Variants in GRM7 observed in about 807,000 individuals in gnomAD.
GRM7 encodes the protein glutamate metabotropic receptor 7, also known as metabotropic glutamate receptor 7.
In GRM7, 35 loss-of-function variants were observed where a neutral mutation model predicts 84.5. That is an observed-to-expected ratio of 0.41 (90% CI 0.32 to 0.55). The LOEUF is 0.55. Ranked by LOEUF, GRM7 falls within the 20% of genes least tolerant of loss-of-function variation. The pLI, the probability that GRM7 is intolerant of heterozygous loss-of-function variation, is 0.19. For synonymous variants in GRM7, 487 were observed against 455.1 expected (o/e 1.07, Z -0.89); for missense variants, 1,003 against 1,194.6 (o/e 0.84, Z 2.36).
chr3:7,076,060 AAAATTTAC>A (rs1424027727), intron 1 of GRM7, among the ~76,000 whole-genome samples: 1 of 152,156 alleles, frequency 6.6e-6, no homozygotes, highest in African/African-American at 2.4e-5. Context: ...ATACTTTGTA[AAAATTTAC>A]TGTGTTCCTG....
At chr3:7,474,811 C>A (rs1285516098) in intron 7 of GRM7, among the ~76,000 whole-genome samples, 1 of 152,090 alleles carries the variant, frequency 6.6e-6, no homozygotes, top group African/African-American at 2.4e-5. Context: ...GAAGATTTTA[C>A]AGAGTAAGTG....
At chr3:7,455,793 C>T (rs958122753) in intron 6 of GRM7, among the ~76,000 whole-genome samples, 7 of 152,100 alleles carry the variant, frequency 4.6e-5, no homozygotes, top group African/African-American at 1.7e-4. Flanking sequence ...ATTTTAATAA[C>T]ATTTACAGAT....
chr3:7,321,405 C>T (rs1041277507), intron 4 of GRM7, among the ~76,000 whole-genome samples: 4 of 151,998 alleles, frequency 2.6e-5, no homozygotes, highest in Admixed American at 6.6e-5. Flanking sequence ...AATATAGAAA[C>T]TAACCTCTGA....
At chr3:7,677,952 G>C (rs1231123129) in intron 8 of GRM7, among the ~76,000 whole-genome samples, 13 of 152,092 alleles carry the variant, frequency 8.5e-5, no homozygotes, top group Non-Finnish European at 1.5e-5. Flanking sequence ...TTGAACTGTA[G>C]GCCATTTTTC....
At chr3:7,525,041 C>T (rs1357258888) in intron 7 of GRM7, among the ~76,000 whole-genome samples, 3 of 150,526 alleles carry the variant, frequency 2.0e-5, no homozygotes, top group East Asian at 4.0e-4. Flanking sequence ...CACATGTTCT[C>T]ACTCATAGAT....
chr3:7,085,810 C>G (rs1484349457), intron 1 of GRM7, among the ~76,000 whole-genome samples: 1 of 152,002 alleles, frequency 6.6e-6, no homozygotes, highest in African/African-American at 2.4e-5. Context: ...CCCCCATCCT[C>G]TTGGAATATT....
chr3:7,564,668 A>G (rs977287784), intron 7 of GRM7, among the ~76,000 whole-genome samples: 1 of 152,182 alleles, frequency 6.6e-6, no homozygotes, highest in Non-Finnish European at 1.5e-5. Context: ...TTTTTAAATT[A>G]ATCGTTATTT....
intron 7 of GRM7, among the ~76,000 whole-genome samples, chr3:7,534,960 T>C (rs1245097628): frequency 6.6e-6 from 1 of 152,186 alleles, no homozygotes; most frequent in East Asian, 1.9e-4. Context: ...ATGCGAGCTA[T>C]TGCCCTCTTT....
At chr3:7,338,439 A>G (rs976972944) in intron 4 of GRM7, among the ~76,000 whole-genome samples, 2 of 152,060 alleles carry the variant, frequency 1.3e-5, no homozygotes, top group Admixed American at 6.6e-5. Context: ...AGAAATTACC[A>G]CTAAAGAACT....
chr3:7,115,380 G>GA (rs970609358), intron 1 of GRM7, among the ~76,000 whole-genome samples: 35 of 152,200 alleles, frequency 2.3e-4, no homozygotes, highest in African/African-American at 8.2e-4. Flanking sequence ...TCAAGCACCT[G>GA]AAAAAATCCT....
intron 1 of GRM7, among the ~76,000 whole-genome samples, chr3:7,096,701 A>C (rs1698873038): frequency 2.6e-5 from 4 of 152,096 alleles, no homozygotes; most frequent in Admixed American, 2.0e-4. Context: ...TCAAAATTCC[A>C]ATGCTCTATT....
chr3:7,172,210 T>G (rs1695006262), intron 2 of GRM7, among the ~76,000 whole-genome samples: 1 of 152,182 alleles, frequency 6.6e-6, no homozygotes, highest in South Asian at 2.1e-4. Flanking sequence ...ATGATAATTT[T>G]TTTTTAAGTA....
At chr3:6,921,740 C>T (rs908659221) in intron 1 of GRM7, among the ~76,000 whole-genome samples, 1 of 151,944 alleles carries the variant, frequency 6.6e-6, no homozygotes, top group Non-Finnish European at 1.5e-5. Flanking sequence ...GAAACCATAG[C>T]CAGGAAAGAC....
chr3:7,096,848 C>G (rs1300639820), intron 1 of GRM7, among the ~76,000 whole-genome samples: 5 of 152,040 alleles, frequency 3.3e-5, no homozygotes, highest in African/African-American at 1.2e-4. Context: ...TGGTAAGAAC[C>G]AAGGACAAAG....
intron 4 of GRM7, among the ~76,000 whole-genome samples, chr3:7,413,269 G>C (rs537434027): frequency 1.3e-5 from 2 of 152,242 alleles, no homozygotes; most frequent in African/African-American, 4.8e-5. Flanking sequence ...CTAACCCAGA[G>C]AGCTGCCAAG....
In GRM7 at chr3:7,574,790, G is replaced by A. The variant is rs1243736713; in HGVS notation, c.1516-3632G>A. 6.6e-5 allele frequency among the ~76,000 whole-genome samples: 10 copies of A among 152,158 alleles called. 1 individual carries two copies. Among genetic ancestry groups the A allele is most frequent in the Admixed American group, 5.9e-4 (9 of 15,280 alleles). ...CAGTGAACTAATGGCAACTCCTGCA[G>A]TGAGTTTCTGAGACCAGTGAGCTTT... On this transcript the variant is annotated intron_variant, in intron 7 of 9. Coordinates refer to ENST00000357716, the MANE Select transcript of GRM7 (RefSeq NM_000844.4).
rs368412550 is a variant in GRM7, at chr3:7,482,068, G to T, written c.1515+20346G>T. On this transcript the variant is annotated intron_variant, in intron 7 of 9. Transcript: ENST00000357716. Reference sequence around the variant, plus strand: ...CCAGGTGTGGTTGTGGACACCTGTAGTCCCAGCTACCTGGGAGGCTGAGGC... The same window carrying T: ...CCAGGTGTGGTTGTGGACACCTGTATTCCCAGCTACCTGGGAGGCTGAGGC... Among the ~76,000 whole-genome samples the T allele has an allele frequency of 2.6e-5, 4 of 152,224 alleles. No homozygotes were observed. The East Asian group carries it at 5.8e-4, about 22-fold the overall frequency.
At chr3:6,974,030 C>A (rs1183767259) in intron 1 of GRM7, among the ~76,000 whole-genome samples, 1 of 152,106 alleles carries the variant, frequency 6.6e-6, no homozygotes, top group Non-Finnish European at 1.5e-5. Context: ...TAGCTCAGAC[C>A]AGAGTGCAAA....
chr3:7,661,781 G>A (rs368994036), intron 8 of GRM7, among the ~76,000 whole-genome samples: 964 of 66,252 alleles, frequency 0.015, 14 homozygotes, highest in African/African-American at 0.051. Flanking sequence ...GCCACAGAGC[G>A]AGGTCTCCGT....
Sources: gnomAD v4.1 joint callset for allele counts (sites outside exome capture counted in the v4.1 genomes callset) on GRCh38, gnomAD v4.1.1 for gene constraint, MANE v1.5 for transcripts, NCBI Gene and HGNC (gene_info 2026-07-23, HGNC 2026-07-21) for gene names.